The following TARS3 variants were observed in gnomAD, a reference collection of about 807,000 sequenced individuals.
TARS3 encodes the protein threonine--tRNA ligase 2, cytoplasmic.
Under a neutral mutation model 103.5 loss-of-function variants are expected in TARS3, and 94 were observed. The ratio of observed to expected loss-of-function variants is 0.91; its 90% CI spans 0.77 to 1.08. The LOEUF (loss-of-function observed/expected upper bound fraction) is 1.08, where lower values mean the gene tolerates loss of function less well. TARS3 is among the 50% of genes least tolerant of loss of function. TARS3 has a pLI of 0.00. For missense variants in TARS3, 952 were observed against 995.2 expected, an observed-to-expected ratio of 0.96 and a Z score of 0.58; for synonymous variants, 416 against 355.4, an observed-to-expected ratio of 1.17 and a Z score of -1.92.
At chr15:101,672,053 CCT>C (rs1897828782) in intron 13 of TARS3, among the ~76,000 whole-genome samples, 1 of 152,074 alleles carries the variant, frequency 6.6e-6, no homozygotes, top group South Asian at 2.1e-4. Context: ...ACACAGGCCC[CCT>C]GTGCCCTACA....
At chr15:101,718,188 G>T (rs936365033) in intron 3 of TARS3, among the ~76,000 whole-genome samples, 2 of 152,128 alleles carry the variant, frequency 1.3e-5, no homozygotes, top group Non-Finnish European at 2.9e-5. Flanking sequence ...GACTAACATG[G>T]AGAAACGCCA....
At chr15:101,675,857 T>A in intron 12 of TARS3, 120 bp from the exon 13 acceptor site, 1 of 1,167,424 alleles carries the variant, frequency 8.6e-7, no homozygotes, top group Admixed American at 2.5e-5. Context: ...CAGTTGATGA[T>A]CCTGTTTTGG....
chr15:101,666,271 T>A (rs1897574822), intron 15 of TARS3, among the ~76,000 whole-genome samples: 1 of 151,600 alleles, frequency 6.6e-6, no homozygotes, highest in Non-Finnish European at 1.5e-5. Flanking sequence ...AGGTAAGGAG[T>A]TCGAGACCAG....
chr15:101,706,444 T>A (rs1899566819), intron 6 of TARS3, among the ~76,000 whole-genome samples: 2 of 152,242 alleles, frequency 1.3e-5, no homozygotes, highest in African/African-American at 4.8e-5. Flanking sequence ...GGGTTAAAAA[T>A]TTGTTAAAAT....
intron 4 of TARS3, among the ~76,000 whole-genome samples, chr15:101,714,000 T>C (rs1412843004): frequency 6.6e-6 from 1 of 152,220 alleles, no homozygotes; most frequent in Non-Finnish European, 1.5e-5. Flanking sequence ...CTTGCAATTA[T>C]TGTAACCTAA....
intron 10 of TARS3, among the ~76,000 whole-genome samples, chr15:101,696,365 T>C (rs1210052265): frequency 6.6e-6 from 1 of 152,168 alleles, no homozygotes; most frequent in African/African-American, 2.4e-5. Context: ...CTGATGTTTT[T>C]AGTCTTTCTA....
In TARS3 at chr15:101,672,252, G is replaced by C. The variant is rs1206439454; in HGVS notation, c.1789-504C>G. ...CTGGGAGGGTCACTTATAATTTATA[G>C]GGGTGTGGAGGCATGAGGCTCCACT... On this transcript the variant is annotated intron_variant, in intron 13 of 18. Coordinates refer to ENST00000335968, the MANE Select transcript of TARS3 (RefSeq NM_152334.3). Among the ~76,000 whole-genome samples, 14 of 152,150 alleles carry C rather than the reference G, an allele frequency of 9.2e-5. 1 individual carries two copies. The highest frequency in any genetic ancestry group is 1.2e-4 in the African/African-American group (5 of 41,424).
At chr15:101,723,534 G>A (rs1001624620) in intron 1 of TARS3, among the ~76,000 whole-genome samples, 1 of 152,188 alleles carries the variant, frequency 6.6e-6, no homozygotes, top group Admixed American at 6.5e-5. Context: ...AGCCTGAGAA[G>A]CTTCAGGACT....
chr15:101,655,655 G>C (rs542171404), intron 18 of TARS3, among the ~76,000 whole-genome samples: 78 of 146,272 alleles, frequency 5.3e-4, no homozygotes, highest in Non-Finnish European at 1.0e-3. Context: ...AAATGAGAGC[G>C]GGGAGCTCTT....
intron 3 of TARS3, among the ~76,000 whole-genome samples, chr15:101,719,811 A>G (rs192054668): frequency 1.8e-3 from 271 of 152,362 alleles, no homozygotes; most frequent in Non-Finnish European, 2.9e-3. Flanking sequence ...AAATAACTGC[A>G]TGGACCAGAG....
intron 9 of TARS3, among the ~76,000 whole-genome samples, chr15:101,701,585 A>T (rs1899282113): frequency 6.6e-6 from 1 of 152,150 alleles, no homozygotes; most frequent in African/African-American, 2.4e-5. Flanking sequence ...CTGTCTTCAC[A>T]GCCACCCTGC....
chr15:101,654,680 C>T lies in TARS3; in HGVS notation c.2311G>A (p.Asp771Asn). The change falls in exon 19 of 19, where the codon GAC becomes AAC. Residue 771 changes from aspartate (D) to asparagine (N), a missense_variant. This residue lies in a region of TARS3 where 540 missense variants were observed against 631.0 expected (regional missense o/e 0.86). Transcript: ENST00000335968. ...AAAATCTCTCCATGAATTTTGTTGT[C>T]TCTTGTTCGCACGTTTACAGCATTA... ...IDNAVNVRTR[D>N]NKIHGEILVT... is the part of the protein sequence containing the mutation. 6.2e-7 allele frequency: 1 copy of T among 1,614,122 alleles called. No individual in the cohort carries two copies. The highest frequency in any genetic ancestry group is 8.5e-7 in the Non-Finnish European group (1 of 1,179,982).
rs117758565 is a variant in TARS3 at position 101,715,592 on chromosome 15, A to C, written c.567-629T>G. On this transcript the variant is annotated intron_variant, in intron 3 of 18. Coordinates refer to ENST00000335968, the MANE Select transcript of TARS3 (RefSeq NM_152334.3). ...TTCTACCTCCATCCACCCCACGCACACATATGTGCTGTCTTTAAAAGCAGC... is the reference window on the plus strand; with the variant it reads ...TTCTACCTCCATCCACCCCACGCACCCATATGTGCTGTCTTTAAAAGCAGC... Among the ~76,000 whole-genome samples, 440 of 152,326 alleles carry C rather than the reference A, an allele frequency of 2.9e-3. 1 individual carries two copies. Among genetic ancestry groups the C allele is most frequent in the Non-Finnish European group, 5.0e-3 (340 of 68,024 alleles).
At chr15:101,699,846 C>T (rs1899170521) in intron 10 of TARS3, among the ~76,000 whole-genome samples, 1 of 152,118 alleles carries the variant, frequency 6.6e-6, no homozygotes, top group Admixed American at 6.6e-5. Flanking sequence ...CAGAAAGTTA[C>T]TGAAGAAAGT....
chr15:101,722,442 C>G (rs1039796241), intron 2 of TARS3, among the ~76,000 whole-genome samples: 3 of 150,608 alleles, frequency 2.0e-5, no homozygotes, highest in Non-Finnish European at 2.9e-5. Flanking sequence ...AATGTTGATG[C>G]TAGATAAATA....
At chr15:101,711,093 G>C (rs1438210753) in intron 5 of TARS3, among the ~76,000 whole-genome samples, 1 of 152,178 alleles carries the variant, frequency 6.6e-6, no homozygotes, top group Non-Finnish European at 1.5e-5. Flanking sequence ...GTTTGGCTGA[G>C]GTTAATGAGG....
At chr15:101,716,717 G>T (rs1900175849) in intron 3 of TARS3, among the ~76,000 whole-genome samples, 1 of 152,128 alleles carries the variant, frequency 6.6e-6, no homozygotes, top group African/African-American at 2.4e-5. Context: ...ACAACTGCTA[G>T]GTCAAGGGAA....
At chr15:101,664,338 G>GA (rs1286764422) in intron 15 of TARS3, 1 of 152,236 alleles carries the variant, frequency 6.6e-6, no homozygotes, top group Non-Finnish European at 1.5e-5. Flanking sequence ...GACTGATCCT[G>GA]AAGGTTTGAC....
At chr15:101,698,093 T>C (rs1218725351) in intron 10 of TARS3, among the ~76,000 whole-genome samples, 1 of 152,064 alleles carries the variant, frequency 6.6e-6, no homozygotes, top group Non-Finnish European at 1.5e-5. Context: ...TCCCAGCACT[T>C]TGGGAGGCTG....
Sources: allele counts gnomAD v4.1 joint callset (sites outside exome capture counted in the v4.1 genomes callset), GRCh38; gene constraint gnomAD v4.1.1; regional missense constraint gnomAD v4.1.1; transcripts MANE v1.5; gene names NCBI Gene and HGNC (gene_info 2026-07-23, HGNC 2026-07-21).